CDC40: variants seen among roughly 807,000 people sequenced by gnomAD.
CDC40 encodes pre-mRNA-processing factor 17.
In CDC40, 27 loss-of-function variants were observed where a neutral mutation model predicts 80.6. That is an observed-to-expected ratio of 0.33 (90% CI 0.25 to 0.46). The LOEUF is 0.46. Ranked by LOEUF, CDC40 falls within the 20% of genes least tolerant of loss-of-function variation. The probability of loss-of-function intolerance (pLI) is 1.00; values close to 1 mark genes in which losing one functional copy is unlikely to be tolerated. For synonymous variants in CDC40, 221 were observed against 232.6 expected (o/e 0.95, Z 0.45); for missense variants, 486 against 694.1 (o/e 0.70, Z 3.37).
At chr6:110,182,687 C>A (rs958109940) in intron 1 of CDC40, among the ~76,000 whole-genome samples, 1 of 152,044 alleles carries the variant, frequency 6.6e-6, no homozygotes, top group South Asian at 2.1e-4. Flanking sequence ...TCTCTTTCAG[C>A]CTTTTTGGGT....
chr6:110,184,535 A>G (rs1253476573), intron 1 of CDC40, among the ~76,000 whole-genome samples: 1 of 151,502 alleles, frequency 6.6e-6, no homozygotes, highest in East Asian at 1.9e-4. Context: ...CTTAACTACT[A>G]TGTAAGTACT....
At chr6:110,204,233 C>T (rs1417647389) in intron 3 of CDC40, among the ~76,000 whole-genome samples, 1 of 152,056 alleles carries the variant, frequency 6.6e-6, no homozygotes, top group Non-Finnish European at 1.5e-5. Context: ...AGGATGGTCT[C>T]GATCTCCTGA....
chr6:110,189,445 T>G (rs1777317189), intron 1 of CDC40, among the ~76,000 whole-genome samples: 1 of 152,194 alleles, frequency 6.6e-6, no homozygotes, highest in South Asian at 2.1e-4. Flanking sequence ...TGGAGCTCCA[T>G]GCTTGCTTTA....
intron 6 of CDC40, chr6:110,211,754 A>G (rs1777639629): frequency 6.4e-6 from 1 of 155,786 alleles, no homozygotes. Context: ...CTTCCTTCTT[A>G]ACCTGTTTTA....
chr6:110,224,404 T>G (rs1438027410), intron 12 of CDC40: 1 of 152,024 alleles, frequency 6.6e-6, no homozygotes, highest in African/African-American at 2.4e-5. Flanking sequence ...ATTTTTGTGA[T>G]GGAGTCTTGC....
intron 3 of CDC40, among the ~76,000 whole-genome samples, chr6:110,206,331 A>G (rs1014238589): frequency 6.6e-6 from 1 of 152,210 alleles, no homozygotes; most frequent in Non-Finnish European, 1.5e-5. Context: ...TGCCCTTTAG[A>G]AAAAATGGGC....
chr6:110,229,921 A>G, intron 14 of CDC40, 33 bp from the exon 15 acceptor site: 1 of 1,428,986 alleles, frequency 7.0e-7, no homozygotes. Flanking sequence ...AAGGTATTTT[A>G]ATAATTTGAA....
intron 3 of CDC40, among the ~76,000 whole-genome samples, chr6:110,202,317 A>C (rs1242240926): frequency 1.3e-5 from 2 of 152,214 alleles, no homozygotes; most frequent in Non-Finnish European, 1.5e-5. Context: ...ATACCACTTA[A>C]ATCACCCAAA....
At chr6:110,206,527 T>C (rs1228583740) in intron 3 of CDC40, among the ~76,000 whole-genome samples, 1 of 152,220 alleles carries the variant, frequency 6.6e-6, no homozygotes, top group African/African-American at 2.4e-5. Flanking sequence ...TAAATTCCCA[T>C]GGACCACTGA....
intron 12 of CDC40, among the ~76,000 whole-genome samples, chr6:110,220,628 G>T (rs1777761161): frequency 6.6e-6 from 1 of 151,922 alleles, no homozygotes; most frequent in African/African-American, 2.4e-5. Flanking sequence ...GTATTTTTTA[G>T]TAGAGATGGG....
chr6:110,184,164 G>A (rs1399053990), intron 1 of CDC40, among the ~76,000 whole-genome samples: 1 of 152,146 alleles, frequency 6.6e-6, no homozygotes, highest in East Asian at 1.9e-4. Flanking sequence ...TTTGTCTATA[G>A]TGCGAACATT....
intron 2 of CDC40, among the ~76,000 whole-genome samples, chr6:110,201,176 T>G (rs1451821016): frequency 6.6e-6 from 1 of 152,230 alleles, no homozygotes; most frequent in East Asian, 1.9e-4. Context: ...ACTGTTGATA[T>G]AAAAGTCACC....
At chr6:110,182,500 C>T (rs1040684911) in intron 1 of CDC40, among the ~76,000 whole-genome samples, 1 of 152,176 alleles carries the variant, frequency 6.6e-6, no homozygotes, top group Non-Finnish European at 1.5e-5. Context: ...TAGTTGAAGC[C>T]GAGAACAAAG....
rs1777840808 is a variant in CDC40 at position 110,225,384 on chromosome 6, T to C, written c.1341-783T>C. ...AAAAATGAAAAGGCACTTAGAACTT[T>C]TGATGGTTCTAAATTTAGGTGGCTA... On this transcript the variant is annotated intron_variant, in intron 12 of 14. Transcript: ENST00000307731. Among the ~76,000 whole-genome samples the C allele has an allele frequency of 2.6e-5, 4 of 152,072 alleles. No homozygotes were observed. The South Asian group carries it at 8.3e-4, about 32-fold the overall frequency.
At chr6:110,185,207 CTCTT>C (rs986335616) in intron 1 of CDC40, among the ~76,000 whole-genome samples, 2 of 150,862 alleles carry the variant, frequency 1.3e-5, no homozygotes, top group Admixed American at 6.6e-5. Context: ...CTTTCTTTCT[CTCTT>C]TCACCCTTTC....
chr6:110,212,129 TC>T lies in CDC40; in HGVS notation c.728-3del. 1.9e-6 allele frequency: 3 copies of T among 1,609,618 alleles called. No homozygotes were observed. Among genetic ancestry groups the T allele is most frequent in the Non-Finnish European group, 2.5e-6 (3 of 1,177,452 alleles). On this transcript the variant is annotated splice_region_variant and splice_polypyrimidine_tract_variant and intron_variant, in intron 6 of 14. Coordinates refer to ENST00000307731, the MANE Select transcript of CDC40 (RefSeq NM_015891.3). ...TATTGATTTTCTTTGCCTTTTTGTT[TC>T]AGTTAAAGAAATGTATGACTATCAA...
chr6:110,217,544 ATT>A (rs973696755), intron 9 of CDC40, among the ~76,000 whole-genome samples, 156 bp from the exon 10 acceptor site: 4 of 133,692 alleles, frequency 3.0e-5, no homozygotes, highest in Non-Finnish European at 6.5e-5. Context: ...CACATAACAT[ATT>A]CTAAGTCAGT....
chr6:110,204,659 C>CTTTTTTTTTTTTTTTTTTTTTTTTTTTT (rs55895216), intron 3 of CDC40, among the ~76,000 whole-genome samples: 1 of 119,304 alleles, frequency 8.4e-6, no homozygotes, highest in African/African-American at 3.3e-5. Flanking sequence ...TCCTATTTCT[C>CTTTTTTTTTTTTTTTTTTTTTTTTTTTT]TTTTTTTTTT....
intron 3 of CDC40, among the ~76,000 whole-genome samples, chr6:110,205,693 C>T (rs182080142): frequency 6.6e-6 from 1 of 152,234 alleles, no homozygotes; most frequent in Admixed American, 6.5e-5. Context: ...CTTCCAGACG[C>T]GTCATGAAAT....
Sources: gnomAD v4.1 joint callset for allele counts (sites outside exome capture counted in the v4.1 genomes callset) on GRCh38, gnomAD v4.1.1 for gene constraint, MANE v1.5 for transcripts, NCBI Gene and HGNC (gene_info 2026-07-23, HGNC 2026-07-21) for gene names.